Variants in TCEA1 observed in about 807,000 individuals in gnomAD.
TCEA1 encodes transcription elongation factor A protein 1.
In TCEA1, 21 loss-of-function variants were observed where a neutral mutation model predicts 43.8. The observed-to-expected ratio is 0.48, with a 90% confidence interval of 0.34 to 0.69. The LOEUF (loss-of-function observed/expected upper bound fraction) is 0.69, where lower values mean the gene tolerates loss of function less well. TCEA1 is among the 30% of genes least tolerant of loss of function. The pLI, the probability that TCEA1 is intolerant of heterozygous loss-of-function variation, is 0.01. For missense variants in TCEA1, 250 were observed against 365.1 expected, an observed-to-expected ratio of 0.68 and a Z score of 2.57; for synonymous variants, 104 against 117.5, an observed-to-expected ratio of 0.88 and a Z score of 0.75.
chr8:53,994,637 G>A (rs537757649), intron 3 of TCEA1, among the ~76,000 whole-genome samples: 8 of 152,128 alleles, frequency 5.3e-5, no homozygotes, highest in African/African-American at 1.7e-4. Flanking sequence ...GGAAGGCCAC[G>A]GCGGGCAGAT....
chr8:54,022,064 G>T lies in TCEA1; in HGVS notation c.62C>A (p.Ala21Glu), dbSNP rs1255443914. 7.1e-7 allele frequency: 1 copy of T among 1,415,488 alleles called. No individual in the cohort carries two copies. The highest frequency in any genetic ancestry group is 1.5e-5 in the African/African-American group (1 of 65,244). The allele number at this position is 1,415,488 out of a possible 1,614,324, so 87.7% of individuals were successfully genotyped here. ...GCCCGCGCCGCTCGCCGCGCTCACC[G>T]CGTTCTTCTTCTGCACCATCTTGTC... ...KMDKMVQKKNAAGALDLLKEL... is the reference protein window; with the variant it reads ...KMDKMVQKKNEAGALDLLKEL... The change falls in exon 1 of 10, where the codon GCG becomes GAG. Residue 21 changes from alanine to glutamate, a missense_variant and splice_region_variant. This residue lies in a region of TCEA1 where 30 missense variants were observed against 31.8 expected (regional missense o/e 0.94). Transcript: ENST00000521604.
chr8:54,011,270 G>C (rs928287900), intron 1 of TCEA1, among the ~76,000 whole-genome samples: 4 of 152,186 alleles, frequency 2.6e-5, no homozygotes, highest in African/African-American at 9.7e-5. Context: ...AACAGTATCT[G>C]TTTTTACCCC....
intron 8 of TCEA1, among the ~76,000 whole-genome samples, chr8:53,971,028 T>C (rs1055831356): frequency 1.3e-5 from 2 of 152,158 alleles, no homozygotes; most frequent in Non-Finnish European, 2.9e-5. Flanking sequence ...GAGTATAATT[T>C]TATAACAGCA....
chr8:53,977,060 C>T lies in TCEA1; in HGVS notation c.825+1965G>A, dbSNP rs182672999. Among the ~76,000 whole-genome samples, 623 of 152,326 alleles carry T rather than the reference C, an allele frequency of 4.1e-3. 4 individuals carry two copies. Among genetic ancestry groups the T allele is most frequent in the African/African-American group, 0.014 (594 of 41,584 alleles). On this transcript the variant is annotated intron_variant, in intron 8 of 9. Coordinates refer to ENST00000521604, the MANE Select transcript of TCEA1 (RefSeq NM_006756.4). ...AAAGGCTGGGCGTGGTGGCTCACGC[C>T]TGTAATCCCAGCACTTTGGGAGGCT...
intron 2 of TCEA1, among the ~76,000 whole-genome samples, chr8:54,006,211 T>A (rs2129310874): frequency 6.6e-6 from 1 of 152,354 alleles, no homozygotes; most frequent in East Asian, 1.9e-4. Flanking sequence ...TTTGGGTACC[T>A]ACATCTTTGT....
At chr8:53,982,551 T>C (rs1311294506) in intron 7 of TCEA1, among the ~76,000 whole-genome samples, 1 of 135,152 alleles carries the variant, frequency 7.4e-6, no homozygotes, top group Admixed American at 9.0e-5. Flanking sequence ...GAGGTTGCAG[T>C]GAGCAGAGAT....
intron 7 of TCEA1, among the ~76,000 whole-genome samples, chr8:53,982,220 A>T: frequency 6.6e-6 from 1 of 152,174 alleles, no homozygotes; most frequent in Non-Finnish European, 1.5e-5. Flanking sequence ...ATTCATTGAG[A>T]AGAGGTCAAT....
At chr8:53,996,903 C>CTTTTGTTTTTTTTT (rs1804072836) in intron 3 of TCEA1, among the ~76,000 whole-genome samples, 1 of 116,626 alleles carries the variant, frequency 8.6e-6, no homozygotes. Flanking sequence ...AGAAGGTTGT[C>CTTTTGTTTTTTTTT]TTTTTTTTTT....
rs191825221 is a variant in TCEA1, at chr8:54,012,112, A to G, written c.64-1620T>C. 9.7e-4 allele frequency among the ~76,000 whole-genome samples: 148 copies of G among 152,356 alleles called. 4 individuals are homozygous for G. The East Asian group carries it at 0.026, about 27-fold the overall frequency. Reference sequence around the variant, plus strand: ...TTGTTGTGAGTAAATGAAGTCTTCGATCCCTTATCTGCAAATTTCCAGACC... The same window carrying G: ...TTGTTGTGAGTAAATGAAGTCTTCGGTCCCTTATCTGCAAATTTCCAGACC... On this transcript the variant is annotated intron_variant, in intron 1 of 9. Transcript: ENST00000521604.
intron 3 of TCEA1, among the ~76,000 whole-genome samples, chr8:53,995,684 C>T (rs555425380): frequency 1.3e-5 from 2 of 152,336 alleles, no homozygotes; most frequent in South Asian, 2.1e-4. Flanking sequence ...AACATATCCT[C>T]ATGCCAAGCT....
chr8:54,008,172 CAAAAAA>C (rs777634895), intron 2 of TCEA1, among the ~76,000 whole-genome samples: 1 of 42,336 alleles, frequency 2.4e-5, no homozygotes, highest in Non-Finnish European at 4.4e-5. Flanking sequence ...AACTGTGTCT[CAAAAAA>C]AAAAAAAAAA....
At chr8:54,014,140 C>T (rs948217101) in intron 1 of TCEA1, among the ~76,000 whole-genome samples, 4 of 152,198 alleles carry the variant, frequency 2.6e-5, no homozygotes, top group Admixed American at 2.6e-4. Flanking sequence ...AGAAAAGTGA[C>T]TTGCCCAAGG....
Position 53,967,332 on chromosome 8 carries a change from G to A in TCEA1, c.*772C>T, listed in dbSNP as rs1437337322. 5.0e-6 allele frequency: 1 copy of A among 200,856 alleles called. No individual in the cohort carries two copies. The highest frequency in any genetic ancestry group is 1.0e-5 in the Non-Finnish European group (1 of 97,446). 12.4% of individuals were successfully genotyped at this position (200,856 alleles called of 1,614,324 possible). ...GGGAAGTTTTCATCTTTGCCTATGA[G>A]GGGATTTATGAAAAGCCTTCTAAAC... On this transcript the variant is annotated 3_prime_UTR_variant, in exon 10 of 10. Coordinates refer to ENST00000521604, the MANE Select transcript of TCEA1 (RefSeq NM_006756.4).
chr8:54,001,821 C>T (rs1486219731), intron 2 of TCEA1, among the ~76,000 whole-genome samples: 1 of 151,994 alleles, frequency 6.6e-6, no homozygotes, highest in Non-Finnish European at 1.5e-5. Flanking sequence ...AATAAACATG[C>T]TTATCTATGG....
At chr8:54,010,973 G>A (rs1045378122) in intron 1 of TCEA1, among the ~76,000 whole-genome samples, 11 of 151,980 alleles carry the variant, frequency 7.2e-5, no homozygotes, top group African/African-American at 2.7e-4. Flanking sequence ...ACACCACCAC[G>A]CTGGGCTAAT....
In TCEA1 at chr8:53,993,809, A is replaced by G; in HGVS notation, c.233-54T>C. 9.2e-6 allele frequency: 13 copies of G among 1,417,928 alleles called. No individual in the cohort carries two copies. The South Asian group carries it at 1.3e-4, about 14-fold the overall frequency. 87.8% of individuals were successfully genotyped at this position (1,417,928 alleles called of 1,614,324 possible). ...TAGCATTTGTAAAAACTAAAAACTA[A>G]AATACTGCGTTAACAGGCTATTTGC... On this transcript the variant is annotated intron_variant, in intron 3 of 9. Coordinates refer to ENST00000521604, the MANE Select transcript of TCEA1 (RefSeq NM_006756.4).
intron 8 of TCEA1, among the ~76,000 whole-genome samples, chr8:53,970,703 T>A (rs765779215): frequency 2.6e-4 from 40 of 152,094 alleles, no homozygotes; most frequent in Admixed American, 5.2e-4. Flanking sequence ...AGTGGGAAAA[T>A]CCTCTAAAGT....
At chr8:53,976,743 ATTG>A (rs1803344709) in intron 8 of TCEA1, among the ~76,000 whole-genome samples, 1 of 152,172 alleles carries the variant, frequency 6.6e-6, no homozygotes, top group Admixed American at 6.5e-5. Flanking sequence ...TGCAATTTTT[ATTG>A]TTAAGATATT....
chr8:54,021,198 A>T (rs1452889087), intron 1 of TCEA1, among the ~76,000 whole-genome samples: 1 of 152,196 alleles, frequency 6.6e-6, no homozygotes, highest in African/African-American at 2.4e-5. Flanking sequence ...TCGAAAAAAT[A>T]TGTTTAGCTA....
Sources: gnomAD v4.1 joint callset for allele counts (sites outside exome capture counted in the v4.1 genomes callset) on GRCh38, gnomAD v4.1.1 for gene constraint, gnomAD v4.1.1 regional missense constraint, MANE v1.5 for transcripts, NCBI Gene and HGNC (gene_info 2026-07-23, HGNC 2026-07-21) for gene names.